Variants in HTR1F observed in about 807,000 individuals in gnomAD.
The protein encoded by HTR1F is 5-hydroxytryptamine (serotonin) receptor 1F, G protein-coupled.
In HTR1F, 17 loss-of-function variants were observed where a neutral mutation model predicts 24.0. That is an observed-to-expected ratio of 0.71 (90% CI 0.48 to 1.06). The LOEUF (loss-of-function observed/expected upper bound fraction) is 1.06, where lower values mean the gene tolerates loss of function less well. Among genes scored for constraint, HTR1F ranks in the 50% least tolerant of loss-of-function variants. HTR1F has a pLI of 0.00. For missense variants in HTR1F, 391 were observed against 427.8 expected (o/e 0.91, Z 0.76); for synonymous variants, 186 against 156.8 (o/e 1.19, Z -1.39).
rs536585419 is a variant in HTR1F at position 87,915,439 on chromosome 3, AG to A, written c.-42-75267del. On this transcript the variant is annotated intron_variant, in intron 2 of 2. Coordinates refer to ENST00000319595, the MANE Select transcript of HTR1F (RefSeq NM_001322209.2). ...CCAGAGAAAGGCGAAGCCCAATGCA[AG>A]GAAACCCAAAAAAACGATACAAGAA... Among the ~76,000 whole-genome samples the A allele has an allele frequency of 3.3e-3, 504 of 152,284 alleles. 8 individuals are homozygous for A. The highest frequency in any genetic ancestry group is 0.012 in the African/African-American group (483 of 41,576).
chr3:87,987,719 TTTTATATATGTA>T (rs1576125732), intron 2 of HTR1F, among the ~76,000 whole-genome samples: 5 of 91,966 alleles, frequency 5.4e-5, no homozygotes, highest in South Asian at 6.1e-4. Flanking sequence ...TATATATGTA[TTTTATATATGTA>T]TTTTATATAT....
At chr3:87,834,979 C>T (rs540997606) in intron 2 of HTR1F, among the ~76,000 whole-genome samples, 1 of 152,152 alleles carries the variant, frequency 6.6e-6, no homozygotes, top group Non-Finnish European at 1.5e-5. Flanking sequence ...TCTATGGATG[C>T]CTCAGTTTAG....
intron 2 of HTR1F, among the ~76,000 whole-genome samples, chr3:87,861,191 A>T (rs76507473): frequency 1.3e-5 from 2 of 152,102 alleles, no homozygotes; most frequent in Non-Finnish European, 2.9e-5. Flanking sequence ...TCAAATAGGA[A>T]ACAATTATAT....
chr3:87,822,283 G>A (rs969802362), intron 2 of HTR1F, among the ~76,000 whole-genome samples, 159 bp downstream of exon 2: 1 of 152,184 alleles, frequency 6.6e-6, no homozygotes, highest in African/African-American at 2.4e-5. Context: ...CTGATCATTG[G>A]TTCACTAATG....
chr3:87,854,807 CCTACTAATTTAAGA>C (rs1216596761), intron 2 of HTR1F, among the ~76,000 whole-genome samples: 8 of 152,136 alleles, frequency 5.3e-5, no homozygotes, highest in Non-Finnish European at 1.0e-4. Context: ...TCCATTCCAG[CCTACTAATTTAAGA>C]CTCGTCTTGA....
intron 2 of HTR1F, among the ~76,000 whole-genome samples, chr3:87,938,473 A>C (rs1053341854): frequency 6.6e-6 from 1 of 152,166 alleles, no homozygotes; most frequent in African/African-American, 2.4e-5. Flanking sequence ...AAGCACCTTA[A>C]TAGCCAAGAG....
chr3:87,860,834 CA>C (rs1178303689), intron 2 of HTR1F, among the ~76,000 whole-genome samples: 3 of 152,044 alleles, frequency 2.0e-5, no homozygotes, highest in African/African-American at 4.8e-5. Context: ...AAGAGAATGC[CA>C]AAGTGACTTA....
chr3:87,906,143 T>C (rs1015583658), intron 2 of HTR1F, among the ~76,000 whole-genome samples: 1 of 152,088 alleles, frequency 6.6e-6, no homozygotes, highest in Non-Finnish European at 1.5e-5. Context: ...AGTGTTCCAA[T>C]ATATAACTCA....
At chr3:87,824,282 G>T (rs149372322) in intron 2 of HTR1F, among the ~76,000 whole-genome samples, 3 of 152,242 alleles carry the variant, frequency 2.0e-5, no homozygotes, top group African/African-American at 4.8e-5. Flanking sequence ...GACCAAAAAT[G>T]TGGGGGTCTT....
chr3:87,927,687 T>C (rs1559635177), intron 2 of HTR1F, among the ~76,000 whole-genome samples: 1 of 152,188 alleles, frequency 6.6e-6, no homozygotes, highest in Non-Finnish European at 1.5e-5. Flanking sequence ...CCTCTACAAA[T>C]ACCAATCAAA....
chr3:87,834,523 G>A (rs1435554346), intron 2 of HTR1F, among the ~76,000 whole-genome samples: 2 of 151,824 alleles, frequency 1.3e-5, no homozygotes, highest in Non-Finnish European at 2.9e-5. Flanking sequence ...TGGCGCTTAA[G>A]AACTTCAAGG....
At chr3:87,838,820 CT>C in intron 2 of HTR1F, among the ~76,000 whole-genome samples, 1 of 148,184 alleles carries the variant, frequency 6.7e-6, no homozygotes, top group Non-Finnish European at 1.5e-5. Context: ...AACTTCCTTC[CT>C]AAAAAAAAAA....
chr3:87,918,380 C>A (rs1382748616), intron 2 of HTR1F, among the ~76,000 whole-genome samples: 2 of 151,884 alleles, frequency 1.3e-5, no homozygotes, highest in Non-Finnish European at 2.9e-5. Flanking sequence ...AGCAATCAGA[C>A]AAGAGAAAGG....
chr3:87,881,829 C>T (rs1355716233), intron 2 of HTR1F, among the ~76,000 whole-genome samples: 2 of 152,150 alleles, frequency 1.3e-5, no homozygotes, highest in Non-Finnish European at 2.9e-5. Flanking sequence ...ACACCAAAAG[C>T]AATGGCAACA....
At chr3:87,982,207 G>A (rs1239550700) in intron 2 of HTR1F, among the ~76,000 whole-genome samples, 1 of 152,184 alleles carries the variant, frequency 6.6e-6, no homozygotes, top group Non-Finnish European at 1.5e-5. Context: ...ACAGGCATAA[G>A]CCACTGTGCC....
At chr3:87,928,565 G>T (rs1056330211) in intron 2 of HTR1F, among the ~76,000 whole-genome samples, 1 of 152,108 alleles carries the variant, frequency 6.6e-6, no homozygotes, top group Non-Finnish European at 1.5e-5. Context: ...CACAATCTAT[G>T]TAGCAGACCC....
chr3:87,873,251 C>T (rs1186393986), intron 2 of HTR1F, among the ~76,000 whole-genome samples: 1 of 151,958 alleles, frequency 6.6e-6, no homozygotes, highest in Non-Finnish European at 1.5e-5. Flanking sequence ...TAATTTAGTC[C>T]AAGTCCAAAA....
chr3:87,937,657 C>T (rs1704457480), intron 2 of HTR1F, among the ~76,000 whole-genome samples: 1 of 152,106 alleles, frequency 6.6e-6, no homozygotes, highest in Non-Finnish European at 1.5e-5. Context: ...GGCGCAGTGG[C>T]TCACGCCTGT....
intron 2 of HTR1F, among the ~76,000 whole-genome samples, chr3:87,835,395 C>T (rs1463473219): frequency 6.6e-6 from 1 of 151,918 alleles, no homozygotes; most frequent in Non-Finnish European, 1.5e-5. Flanking sequence ...AGCATTAAAC[C>T]CCAATCGGGG....
Sources: allele counts gnomAD v4.1 joint callset (sites outside exome capture counted in the v4.1 genomes callset), GRCh38; gene constraint gnomAD v4.1.1; transcripts MANE v1.5; gene names NCBI Gene and HGNC (gene_info 2026-07-23, HGNC 2026-07-21).